EIF5A2: variants seen among roughly 807,000 people sequenced by gnomAD.
The protein encoded by EIF5A2 is eukaryotic translation initiation factor 5A2.
Under a neutral mutation model 16.4 loss-of-function variants are expected in EIF5A2, and 15 were observed. The ratio of observed to expected loss-of-function variants is 0.92; its 90% CI spans 0.61 to 1.41. The LOEUF (loss-of-function observed/expected upper bound fraction) is 1.41. Ranked by LOEUF, EIF5A2 falls within the 40% of genes most tolerant of loss-of-function variation. The pLI is 0.00. For missense variants in EIF5A2, 144 were observed against 189.5 expected, an observed-to-expected ratio of 0.76 and a Z score of 1.41; for synonymous variants, 48 against 61.1, an observed-to-expected ratio of 0.79 and a Z score of 1.00.
chr3:170,893,308 T>C lies in EIF5A2; in HGVS notation c.*52A>G. 1 of 1,592,206 alleles carries C rather than the reference T, an allele frequency of 6.3e-7. No homozygotes were observed. The highest frequency in any genetic ancestry group is 8.6e-7 in the Non-Finnish European group (1 of 1,165,784). On this transcript the variant is annotated 3_prime_UTR_variant, in exon 5 of 5. Coordinates refer to ENST00000295822, the MANE Select transcript of EIF5A2 (RefSeq NM_020390.6). Reference sequence around the variant, plus strand: ...CTTTGGTGACAACTTAGAACCAAATTAGATCTGCAGTTGATTCAGACATAA... The same window carrying C: ...CTTTGGTGACAACTTAGAACCAAATCAGATCTGCAGTTGATTCAGACATAA...
rs893996166 is a variant in EIF5A2 at position 170,892,504 on chromosome 3, GA to G, written c.*855del. 1.8e-5 allele frequency: 6 copies of G among 333,766 alleles called. No individual in the cohort carries two copies. The highest frequency in any genetic ancestry group is 1.3e-4 in the African/African-American group (6 of 46,952). The allele number at this position is 333,766 out of a possible 1,614,324, so 20.7% of individuals were successfully genotyped here. A position where few individuals can be genotyped will look rare whatever the true frequency, so the allele number is the denominator to read the frequency against. On this transcript the variant is annotated 3_prime_UTR_variant, in exon 5 of 5. Coordinates refer to ENST00000295822, the MANE Select transcript of EIF5A2 (RefSeq NM_020390.6). Reference sequence around the variant, plus strand: ...TATTACTATTTATTCAACATAGTTGGAAAACAAGCATTGCATAGTATCATGT... The same window carrying G: ...TATTACTATTTATTCAACATAGTTGGAAACAAGCATTGCATAGTATCATGT...
At chr3:170,906,912 G>T in intron 3 of EIF5A2, 77 bp downstream of exon 3, 1 of 920,282 alleles carries the variant, frequency 1.1e-6, no homozygotes, top group Non-Finnish European at 1.6e-6. Flanking sequence ...CTTGGGTTTT[G>T]TCAAATTATT....
chr3:170,907,843 T>G lies in EIF5A2; in HGVS notation c.-35-2A>C. ...GAGATGGTAGTTTTTCCGTGGGAAC[T>G]ACACAAAAAGTTTGTGTTTGCTTTT... On this transcript the variant is annotated splice_acceptor_variant, in intron 1 of 4. Coordinates refer to ENST00000295822, the MANE Select transcript of EIF5A2 (RefSeq NM_020390.6). LOFTEE classifies it low-confidence loss of function (5UTR_SPLICE). The G allele has an allele frequency of 2.0e-6, 3 of 1,501,532 alleles. No individual in the cohort carries two copies. The highest frequency in any genetic ancestry group is 2.7e-6 in the Non-Finnish European group (3 of 1,113,160). 93.0% of individuals were successfully genotyped at this position (1,501,532 alleles called of 1,614,324 possible).
rs1712464563 is a variant in EIF5A2, at chr3:170,889,112, G to A, written c.*4248C>T. On this transcript the variant is annotated 3_prime_UTR_variant, in exon 5 of 5. Coordinates refer to ENST00000295822, the MANE Select transcript of EIF5A2 (RefSeq NM_020390.6). ...ACCTGTTCTAAGGAGGAGAATAGTG[G>A]TAGATGGCAAAGTTGGCAACAAGTA... The A allele has an allele frequency of 8.1e-6, 1 of 122,902 alleles. No individual in the cohort carries two copies. The highest frequency in any genetic ancestry group is 1.6e-5 in the Non-Finnish European group (1 of 63,444). The allele number at this position is 122,902 out of a possible 1,614,324, so 7.6% of individuals were successfully genotyped here.
At position 170,902,178 on chromosome 3, in the gene EIF5A2, G is replaced by A. The variant is rs553121009; in HGVS notation, c.270+4811C>T. Reference sequence around the variant, plus strand: ...CCACACTGACACTTCTCCTTCAACTGATACCAATGACTAGATGGACAGTTG... The same window carrying A: ...CCACACTGACACTTCTCCTTCAACTAATACCAATGACTAGATGGACAGTTG... On this transcript the variant is annotated intron_variant, in intron 3 of 4. Transcript: ENST00000295822. Among the ~76,000 whole-genome samples the A allele has an allele frequency of 1.2e-4, 19 of 152,296 alleles. No individual in the cohort carries two copies. In the South Asian group the frequency reaches 3.9e-3, roughly 32 times the overall value.
intron 3 of EIF5A2, among the ~76,000 whole-genome samples, chr3:170,896,472 T>A (rs983402588): frequency 2.0e-5 from 3 of 152,070 alleles, no homozygotes; most frequent in Admixed American, 2.0e-4. Flanking sequence ...GATCATGGGG[T>A]CAGTCTCCGC....
At chr3:170,893,564 A>T in intron 4 of EIF5A2, 145 bp from the exon 5 acceptor site, 1 of 831,038 alleles carries the variant, frequency 1.2e-6, no homozygotes, top group Non-Finnish European at 1.8e-6. Flanking sequence ...TACTTTCTTT[A>T]CAGTTTTCTA....
chr3:170,899,423 AT>A (rs1712755973), intron 3 of EIF5A2, among the ~76,000 whole-genome samples: 1 of 151,506 alleles, frequency 6.6e-6, no homozygotes. Flanking sequence ...TATTTTTTTA[AT>A]TTTTATTTTT....
intron 3 of EIF5A2, among the ~76,000 whole-genome samples, chr3:170,894,726 T>A (rs918753504): frequency 2.6e-5 from 4 of 151,568 alleles, no homozygotes; most frequent in South Asian, 2.1e-4. Context: ...TTTTTTTTTT[T>A]AATCAAAATG....
intron 3 of EIF5A2, among the ~76,000 whole-genome samples, chr3:170,895,608 G>C (rs1053829010): frequency 5.9e-5 from 9 of 152,104 alleles, no homozygotes; most frequent in Non-Finnish European, 8.8e-5. Context: ...GCATATCGTT[G>C]GGATTGCTCT....
In EIF5A2 at chr3:170,892,552, A is replaced by G. The variant is rs1190264718; in HGVS notation, c.*808T>C. ...ATGTAAAGCAGATCACTCCCTTTAA[A>G]CGTTGGGGGCAAAGTTAAAAGCAAA... On this transcript the variant is annotated 3_prime_UTR_variant, in exon 5 of 5. Transcript: ENST00000295822. The G allele has an allele frequency of 2.6e-6, 1 of 389,236 alleles. No individual in the cohort carries two copies. Among genetic ancestry groups the G allele is most frequent in the Non-Finnish European group, 4.5e-6 (1 of 220,864 alleles). The allele number at this position is 389,236 out of a possible 1,614,324, so 24.1% of individuals were successfully genotyped here.
rs1185329449 is a variant in EIF5A2 at position 170,889,068 on chromosome 3, T to TTTTG, written c.*4288_*4291dup. Reference sequence around the variant, plus strand: ...CCTGTCTTTTTTTTTTTTTTTTTTTTTTTGTAAAATAGGTTTCTACCTGTT... The same window carrying TTTTG: ...CCTGTCTTTTTTTTTTTTTTTTTTTTTTTGTTTGTAAAATAGGTTTCTACCTGTT... On this transcript the variant is annotated 3_prime_UTR_variant, in exon 5 of 5. Coordinates refer to ENST00000295822, the MANE Select transcript of EIF5A2 (RefSeq NM_020390.6). 7.4e-6 allele frequency: 1 copy of TTTTG among 135,238 alleles called. No individual in the cohort carries two copies. The highest frequency in any genetic ancestry group is 1.6e-5 in the Non-Finnish European group (1 of 61,904). 8.4% of individuals were successfully genotyped at this position (135,238 alleles called of 1,614,324 possible).
intron 4 of EIF5A2, among the ~76,000 whole-genome samples, chr3:170,893,830 C>A (rs1712593928): frequency 6.6e-6 from 1 of 152,110 alleles, no homozygotes; most frequent in African/African-American, 2.4e-5. Context: ...GTCAGGAGTT[C>A]AAAACCAGCT....
intron 3 of EIF5A2, among the ~76,000 whole-genome samples, chr3:170,900,056 A>G (rs993945017): frequency 2.6e-5 from 4 of 151,940 alleles, no homozygotes; most frequent in African/African-American, 9.7e-5. Context: ...AGCAGTATAT[A>G]AGGTTATAAG....
intron 3 of EIF5A2, among the ~76,000 whole-genome samples, 166 bp downstream of exon 3, chr3:170,906,817 AGTACAT>A (rs1712946718): frequency 6.6e-6 from 1 of 152,216 alleles, no homozygotes. Context: ...ATCCTAGAAA[AGTACAT>A]GTGTTAAACA....
intron 3 of EIF5A2, among the ~76,000 whole-genome samples, chr3:170,905,549 A>G (rs1429672960): frequency 6.6e-6 from 1 of 152,270 alleles, no homozygotes; most frequent in Non-Finnish European, 1.5e-5. Flanking sequence ...ACAACATTCT[A>G]CGCTCAACTT....
intron 3 of EIF5A2, among the ~76,000 whole-genome samples, chr3:170,897,799 G>T (rs940400141): frequency 3.3e-5 from 5 of 152,192 alleles, no homozygotes; most frequent in South Asian, 2.1e-4. Flanking sequence ...GCTGTGAGAA[G>T]GGGGGTCACC....
chr3:170,897,774 A>G (rs952224282), intron 3 of EIF5A2, among the ~76,000 whole-genome samples: 2 of 152,210 alleles, frequency 1.3e-5, no homozygotes, highest in African/African-American at 2.4e-5. Context: ...CCCCACTGGG[A>G]CACTGCCTAG....
At chr3:170,902,555 C>T (rs1199515044) in intron 3 of EIF5A2, among the ~76,000 whole-genome samples, 1 of 151,190 alleles carries the variant, frequency 6.6e-6, no homozygotes, top group Non-Finnish European at 1.5e-5. Flanking sequence ...AGGTGCCTGC[C>T]ACCACACCCG....
Sources: gnomAD v4.1 joint callset for allele counts (sites outside exome capture counted in the v4.1 genomes callset) on GRCh38, gnomAD v4.1.1 for gene constraint, MANE v1.5 for transcripts, NCBI Gene and HGNC (gene_info 2026-07-23, HGNC 2026-07-21) for gene names.